Variants in SNTG2 observed in about 807,000 individuals in gnomAD.
SNTG2 encodes gamma-2-syntrophin.
Under a neutral mutation model 70.9 loss-of-function variants are expected in SNTG2, and 74 were observed. The observed-to-expected ratio is 1.04, with a 90% CI of 0.86 to 1.27. The LOEUF (loss-of-function observed/expected upper bound fraction) is 1.27. Ranked by LOEUF, SNTG2 falls within the 50% of genes most tolerant of loss-of-function variation. The probability of loss-of-function intolerance (pLI) is 0.00; values close to 1 mark genes in which losing one functional copy is unlikely to be tolerated. For synonymous variants in SNTG2, 278 were observed against 273.8 expected (o/e 1.02, Z -0.15); for missense variants, 717 against 690.7 (o/e 1.04, Z -0.43).
chr2:1,261,136 AAG>A (rs1227554149), intron 13 of SNTG2, among the ~76,000 whole-genome samples: 2 of 152,236 alleles, frequency 1.3e-5, no homozygotes, highest in Non-Finnish European at 2.9e-5. Context: ...ATTTTTAAAA[AAG>A]AGATTAAATT....
intron 4 of SNTG2, among the ~76,000 whole-genome samples, chr2:1,105,147 C>T (rs1472811942): frequency 6.6e-6 from 1 of 152,158 alleles, no homozygotes; most frequent in Non-Finnish European, 1.5e-5. Context: ...CTGAGAGCAA[C>T]ACACTCTGCC....
intron 4 of SNTG2, among the ~76,000 whole-genome samples, chr2:1,106,369 C>G (rs1666152122): frequency 8.1e-6 from 1 of 123,272 alleles, no homozygotes. Context: ...ATGGAGAGCT[C>G]CTTGGTAATA....
At chr2:1,313,046 G>T (rs1031224014) in intron 15 of SNTG2, among the ~76,000 whole-genome samples, 1 of 152,132 alleles carries the variant, frequency 6.6e-6, no homozygotes, top group African/African-American at 2.4e-5. Flanking sequence ...CATCTCCACC[G>T]TGAAGGATTC....
chr2:1,040,687 T>C (rs1244870141), intron 1 of SNTG2, among the ~76,000 whole-genome samples: 1 of 152,244 alleles, frequency 6.6e-6, no homozygotes, highest in African/African-American at 2.4e-5. Flanking sequence ...TAGATGTTTT[T>C]CCTTAACATC....
chr2:1,122,531 G>C (rs1387440995), intron 4 of SNTG2, among the ~76,000 whole-genome samples: 1 of 151,944 alleles, frequency 6.6e-6, no homozygotes, highest in Non-Finnish European at 1.5e-5. Flanking sequence ...CAATATCTAT[G>C]ATAAAAAATC....
chr2:971,384 T>G (rs888360505), intron 1 of SNTG2, among the ~76,000 whole-genome samples: 1 of 152,176 alleles, frequency 6.6e-6, no homozygotes. Flanking sequence ...TGGTTCTCCC[T>G]TGGAAAGTTG....
At chr2:1,299,022 A>T (rs1490233560) in intron 14 of SNTG2, among the ~76,000 whole-genome samples, 1 of 152,072 alleles carries the variant, frequency 6.6e-6, no homozygotes, top group Non-Finnish European at 1.5e-5. Flanking sequence ...CTATTGTGGG[A>T]CCCTGTGATT....
chr2:1,100,230 G>A (rs760483692), intron 4 of SNTG2, among the ~76,000 whole-genome samples: 8 of 151,942 alleles, frequency 5.3e-5, no homozygotes, highest in Non-Finnish European at 1.0e-4. Context: ...GCAGAGGCGC[G>A]ATCTCGGCTC....
chr2:1,111,355 A>T (rs900823023), intron 4 of SNTG2, among the ~76,000 whole-genome samples: 2 of 152,212 alleles, frequency 1.3e-5, no homozygotes, highest in Non-Finnish European at 2.9e-5. Context: ...TCCTCAGGAG[A>T]AGCTGGAAGC....
At chr2:1,277,674 T>C (rs1429702168) in intron 14 of SNTG2, among the ~76,000 whole-genome samples, 1 of 152,196 alleles carries the variant, frequency 6.6e-6, no homozygotes, top group Non-Finnish European at 1.5e-5. Flanking sequence ...TGAGTTTTGG[T>C]TGGGATAAAC....
chr2:983,236 T>TGAAGAAGTTGCAGAGGTGGAGGTC (rs1558293326), intron 1 of SNTG2, among the ~76,000 whole-genome samples: 47 of 71,274 alleles, frequency 6.6e-4, no homozygotes, highest in Non-Finnish European at 9.7e-4. Context: ...AGGTGGAGGT[T>TGAAGAAGTTGCAGAGGTGGAGGTC]GGGATGAAGA....
At chr2:1,067,241 A>C (rs1663220822) in intron 1 of SNTG2, among the ~76,000 whole-genome samples, 3 of 152,230 alleles carry the variant, frequency 2.0e-5, no homozygotes, top group Non-Finnish European at 4.4e-5. Context: ...ACAATGCGGA[A>C]ACTGCTATTA....
intron 14 of SNTG2, among the ~76,000 whole-genome samples, chr2:1,296,376 A>G (rs1680215760): frequency 6.6e-6 from 1 of 152,240 alleles, no homozygotes; most frequent in African/African-American, 2.4e-5. Context: ...TTCAGATGAC[A>G]GAGTGAGGGG....
chr2:1,287,938 A>G (rs1679832459), intron 14 of SNTG2, among the ~76,000 whole-genome samples: 1 of 127,548 alleles, frequency 7.8e-6, no homozygotes, highest in Non-Finnish European at 1.7e-5. Context: ...CAGCATCGTG[A>G]TGGACAGCCT....
At chr2:1,310,694 G>A (rs998793389) in intron 15 of SNTG2, among the ~76,000 whole-genome samples, 3 of 151,998 alleles carry the variant, frequency 2.0e-5, no homozygotes, top group Non-Finnish European at 2.9e-5. Flanking sequence ...ATCCTTCTCC[G>A]GAGCCTTTTC....
intron 6 of SNTG2, among the ~76,000 whole-genome samples, chr2:1,159,976 C>T (rs1347392788): frequency 6.6e-6 from 1 of 152,188 alleles, no homozygotes; most frequent in Non-Finnish European, 1.5e-5. Flanking sequence ...AAACGGAACA[C>T]TGCGTCCGTG....
At chr2:968,071 T>G (rs1660628438) in intron 1 of SNTG2, among the ~76,000 whole-genome samples, 1 of 152,254 alleles carries the variant, frequency 6.6e-6, no homozygotes, top group African/African-American at 2.4e-5. Flanking sequence ...ACAGATTTCC[T>G]TTAGTATTTG....
At chr2:979,903 T>C (rs1461620151) in intron 1 of SNTG2, among the ~76,000 whole-genome samples, 1 of 152,144 alleles carries the variant, frequency 6.6e-6, no homozygotes, top group Non-Finnish European at 1.5e-5. Context: ...TTATGTTAAA[T>C]ACATTATGAA....
chr2:1,002,152 TA>T (rs111969943), intron 1 of SNTG2, among the ~76,000 whole-genome samples: 1 of 151,970 alleles, frequency 6.6e-6, no homozygotes, highest in Non-Finnish European at 1.5e-5. Context: ...CCTGAAACTA[TA>T]AAAAAACCAG....
Sources: gnomAD v4.1 joint callset for allele counts (sites outside exome capture counted in the v4.1 genomes callset) on GRCh38, gnomAD v4.1.1 for gene constraint, MANE v1.5 for transcripts, NCBI Gene and HGNC (gene_info 2026-07-23, HGNC 2026-07-21) for gene names.